TMEM163: variants seen among roughly 807,000 people sequenced by gnomAD.
TMEM163 encodes the protein transmembrane protein 163.
Under a neutral mutation model 29.3 loss-of-function variants are expected in TMEM163, and 17 were observed. The ratio of observed to expected loss-of-function variants is 0.58; its 90% CI spans 0.40 to 0.87. The LOEUF (loss-of-function observed/expected upper bound fraction) is 0.87. TMEM163 is among the 40% of genes least tolerant of loss of function. The probability of loss-of-function intolerance (pLI) is 0.00; values close to 1 mark genes in which losing one functional copy is unlikely to be tolerated. For synonymous variants in TMEM163, 157 were observed against 160.6 expected (o/e 0.98, Z 0.17); for missense variants, 303 against 381.5 (o/e 0.79, Z 1.71).
intron 2 of TMEM163, among the ~76,000 whole-genome samples, chr2:134,639,949 A>C (rs1452041960): frequency 5.3e-5 from 8 of 152,134 alleles, no homozygotes; most frequent in Non-Finnish European, 1.2e-4. Context: ...TCTTTCCTGG[A>C]CACAATGAGC....
intron 4 of TMEM163, among the ~76,000 whole-genome samples, chr2:134,520,256 T>C (rs1680165119): frequency 6.6e-6 from 1 of 152,206 alleles, no homozygotes; most frequent in African/African-American, 2.4e-5. Flanking sequence ...ACACCTCTAA[T>C]AAGGAATTCT....
intron 2 of TMEM163, among the ~76,000 whole-genome samples, chr2:134,691,370 C>G (rs1328351361): frequency 6.6e-6 from 1 of 152,126 alleles, no homozygotes; most frequent in East Asian, 1.9e-4. Flanking sequence ...CATCAAGAAG[C>G]CCTTGTGGCT....
intron 2 of TMEM163, among the ~76,000 whole-genome samples, chr2:134,631,772 A>G (rs1682975796): frequency 6.6e-6 from 1 of 152,270 alleles, no homozygotes. Flanking sequence ...CCACTTGATC[A>G]ACAGTATATT....
At chr2:134,649,448 C>T (rs1683416450) in intron 2 of TMEM163, among the ~76,000 whole-genome samples, 1 of 152,010 alleles carries the variant, frequency 6.6e-6, no homozygotes, top group South Asian at 2.1e-4. Context: ...GCAATGTAGC[C>T]CATTGAAGCA....
chr2:134,479,355 A>G (rs1686991912), intron 5 of TMEM163, among the ~76,000 whole-genome samples: 1 of 152,184 alleles, frequency 6.6e-6, no homozygotes, highest in Non-Finnish European at 1.5e-5. Flanking sequence ...AAGAGCTAGT[A>G]ATGCTTAGAT....
chr2:134,519,002 A>C (rs1680136442), intron 4 of TMEM163, among the ~76,000 whole-genome samples: 1 of 152,202 alleles, frequency 6.6e-6, no homozygotes, highest in Non-Finnish European at 1.5e-5. Context: ...AACCAAATGC[A>C]GACCCAGGAC....
chr2:134,464,638 C>T (rs953561842), intron 6 of TMEM163, among the ~76,000 whole-genome samples: 1 of 152,080 alleles, frequency 6.6e-6, no homozygotes, highest in African/African-American at 2.4e-5. Flanking sequence ...CCCAAGAGAC[C>T]GTGTTGCAGA....
At chr2:134,494,959 C>A (rs2106483960) in intron 5 of TMEM163, among the ~76,000 whole-genome samples, 1 of 152,330 alleles carries the variant, frequency 6.6e-6, no homozygotes, top group African/African-American at 2.4e-5. Flanking sequence ...GGAAACCATT[C>A]ACCCTTTACT....
rs572076890 is a variant in TMEM163 at position 134,643,154 on chromosome 2, A to T, written c.322+70046T>A. On this transcript the variant is annotated intron_variant, in intron 2 of 7. Coordinates refer to ENST00000281924, the MANE Select transcript of TMEM163 (RefSeq NM_030923.5). ...AAATTACCAATATCAGAACTGAAAG[A>T]GGAGACATCACTAGACCCCACAGAC... 2.0e-5 allele frequency among the ~76,000 whole-genome samples: 3 copies of T among 152,264 alleles called. No homozygotes were observed. In the East Asian group the frequency reaches 5.8e-4, roughly 29 times the overall value.
At chr2:134,598,221 G>A (rs955319950) in intron 2 of TMEM163, among the ~76,000 whole-genome samples, 5 of 152,274 alleles carry the variant, frequency 3.3e-5, no homozygotes, top group African/African-American at 1.2e-4. Context: ...TCTAGACTAT[G>A]TCTTGGGGTA....
chr2:134,682,696 A>G lies in TMEM163; in HGVS notation c.322+30504T>C, dbSNP rs933336107. On this transcript the variant is annotated intron_variant, in intron 2 of 7. Transcript: ENST00000281924. ...GAACCCTCATTCATTACTGCCGGGAATACAAAATGGTGCAGCCACTTTGGA... is the reference window on the plus strand; with the variant it reads ...GAACCCTCATTCATTACTGCCGGGAGTACAAAATGGTGCAGCCACTTTGGA... Among the ~76,000 whole-genome samples, 11 of 152,336 alleles carry G rather than the reference A, an allele frequency of 7.2e-5. No individual in the cohort carries two copies. The East Asian group carries it at 2.1e-3, about 29-fold the overall frequency.
At chr2:134,605,190 A>AC (rs1682325646) in intron 2 of TMEM163, among the ~76,000 whole-genome samples, 2 of 152,084 alleles carry the variant, frequency 1.3e-5, no homozygotes, top group Admixed American at 1.3e-4. Context: ...CAAAAAAAAA[A>AC]AAAAAACCAC....
At chr2:134,636,735 C>A (rs531275623) in intron 2 of TMEM163, among the ~76,000 whole-genome samples, 1 of 152,298 alleles carries the variant, frequency 6.6e-6, no homozygotes, top group South Asian at 2.1e-4. Flanking sequence ...AAGATTCTGA[C>A]CCTTCCCAAA....
chr2:134,709,309 T>C (rs1684880778), intron 2 of TMEM163, among the ~76,000 whole-genome samples: 1 of 152,248 alleles, frequency 6.6e-6, no homozygotes, highest in African/African-American at 2.4e-5. Flanking sequence ...TCTGGTTTTA[T>C]ATCAGCATTT....
intron 2 of TMEM163, among the ~76,000 whole-genome samples, chr2:134,566,360 G>A (rs1483041912): frequency 2.6e-5 from 4 of 152,066 alleles, no homozygotes; most frequent in Non-Finnish European, 4.4e-5. Context: ...TCAGGAGTTC[G>A]AGACCAGCCC....
At chr2:134,667,284 C>T (rs1049399138) in intron 2 of TMEM163, among the ~76,000 whole-genome samples, 4 of 152,198 alleles carry the variant, frequency 2.6e-5, no homozygotes, top group African/African-American at 4.8e-5. Context: ...AAATCTTATT[C>T]GCAGCCTTCC....
At chr2:134,642,912 G>A (rs1387542439) in intron 2 of TMEM163, among the ~76,000 whole-genome samples, 1 of 151,904 alleles carries the variant, frequency 6.6e-6, no homozygotes, top group Non-Finnish European at 1.5e-5. Context: ...TTTTAAAGAA[G>A]GTAGGTATCA....
intron 2 of TMEM163, among the ~76,000 whole-genome samples, chr2:134,604,676 C>A (rs1682312855): frequency 6.6e-6 from 1 of 152,094 alleles, no homozygotes; most frequent in African/African-American, 2.4e-5. Flanking sequence ...AAAAGGGTAA[C>A]ACCTAAAGTA....
intron 5 of TMEM163, among the ~76,000 whole-genome samples, chr2:134,477,341 T>G (rs1482802268): frequency 6.6e-6 from 1 of 152,220 alleles, no homozygotes; most frequent in Non-Finnish European, 1.5e-5. Flanking sequence ...TAGTGCGATC[T>G]GTTTGTTTAA....
Sources: allele counts gnomAD v4.1 joint callset (sites outside exome capture counted in the v4.1 genomes callset), GRCh38; gene constraint gnomAD v4.1.1; transcripts MANE v1.5; gene names NCBI Gene and HGNC (gene_info 2026-07-23, HGNC 2026-07-21).